The following CDK19 variants were observed in gnomAD, a reference collection of about 807,000 sequenced individuals.
The protein encoded by CDK19 is cyclin-dependent kinase 19.
CDK19 carries 20 observed loss-of-function variants against 68.3 expected under a neutral mutation model. The ratio of observed to expected loss-of-function variants is 0.29; its 90% CI spans 0.21 to 0.43. The LOEUF is 0.43. Ranked by LOEUF, CDK19 falls within the 20% of genes least tolerant of loss-of-function variation. The probability of loss-of-function intolerance (pLI) is 1.00; values close to 1 mark genes in which losing one functional copy is unlikely to be tolerated. For missense variants in CDK19, 339 were observed against 623.5 expected (o/e 0.54, Z 4.86); for synonymous variants, 221 against 222.8 (o/e 0.99, Z 0.07).
At chr6:110,651,898 T>C (rs886740210) in intron 4 of CDK19, among the ~76,000 whole-genome samples, 1 of 151,882 alleles carries the variant, frequency 6.6e-6, no homozygotes, top group Non-Finnish European at 1.5e-5. Flanking sequence ...AAGAAAGAAA[T>C]AATAAATAAA....
At chr6:110,667,846 A>G (rs548272900) in intron 3 of CDK19, among the ~76,000 whole-genome samples, 1 of 152,310 alleles carries the variant, frequency 6.6e-6, no homozygotes, top group Non-Finnish European at 1.5e-5. Context: ...AAGGACTGAT[A>G]TTGAAACAGC....
chr6:110,808,615 C>T (rs1031506464), intron 1 of CDK19, among the ~76,000 whole-genome samples: 24 of 152,168 alleles, frequency 1.6e-4, no homozygotes, highest in Non-Finnish European at 2.9e-4. Flanking sequence ...TTCCCTTAGG[C>T]CTCAAAAAGT....
At chr6:110,781,403 A>G (rs1780808545) in intron 1 of CDK19, among the ~76,000 whole-genome samples, 2 of 152,198 alleles carry the variant, frequency 1.3e-5, no homozygotes. Flanking sequence ...ATCTGCCCCC[A>G]TGACCCAAAC....
chr6:110,636,226 T>A lies in CDK19; in HGVS notation c.514+2423A>T, dbSNP rs1352244228. On this transcript the variant is annotated intron_variant, in intron 5 of 12. Coordinates refer to ENST00000368911, the MANE Select transcript of CDK19 (RefSeq NM_015076.5). ...TTGGTTTGGGACAATGGAGGATAAGTTACCACAAGATATCCAAATAGAAAT... is the reference window on the plus strand; with the variant it reads ...TTGGTTTGGGACAATGGAGGATAAGATACCACAAGATATCCAAATAGAAAT... Among the ~76,000 whole-genome samples the A allele has an allele frequency of 3.3e-5, 5 of 152,198 alleles. 1 individual carries two copies. The highest frequency in any genetic ancestry group is 1.2e-4 in the African/African-American group (5 of 41,454).
chr6:110,801,526 T>G (rs533477264), intron 1 of CDK19, among the ~76,000 whole-genome samples: 7 of 152,238 alleles, frequency 4.6e-5, no homozygotes, highest in Non-Finnish European at 7.4e-5. Context: ...TGTGTTTTTT[T>G]TTTGAGACAG....
At chr6:110,624,951 T>G (rs937937347) in intron 8 of CDK19, among the ~76,000 whole-genome samples, 4 of 152,202 alleles carry the variant, frequency 2.6e-5, no homozygotes, top group Non-Finnish European at 5.9e-5. Flanking sequence ...ATTATGCCTA[T>G]CCTATAGATT....
chr6:110,712,075 C>T (rs2114694878), intron 2 of CDK19, among the ~76,000 whole-genome samples: 1 of 152,296 alleles, frequency 6.6e-6, no homozygotes, highest in Non-Finnish European at 1.5e-5. Flanking sequence ...TTACAATGCT[C>T]TAGGACAGTG....
At chr6:110,639,364 G>C (rs868448728) in intron 4 of CDK19, among the ~76,000 whole-genome samples, 5 of 152,220 alleles carry the variant, frequency 3.3e-5, no homozygotes, top group Non-Finnish European at 7.3e-5. Flanking sequence ...GCTTTGGAAG[G>C]GGGAGAGAGT....
chr6:110,623,534 C>T, intron 8 of CDK19, 172 bp from the exon 9 acceptor site: 1 of 412,402 alleles, frequency 2.4e-6, no homozygotes, highest in Non-Finnish European at 3.3e-6. Context: ...GAAATAGGAA[C>T]TGTCACACAC....
chr6:110,647,848 A>G (rs1780709024), intron 4 of CDK19, among the ~76,000 whole-genome samples: 1 of 152,220 alleles, frequency 6.6e-6, no homozygotes. Context: ...CTTCAGGCCA[A>G]CCTTACTCAT....
chr6:110,639,637 T>C (rs1780004195), intron 4 of CDK19, among the ~76,000 whole-genome samples: 1 of 152,240 alleles, frequency 6.6e-6, no homozygotes, highest in Non-Finnish European at 1.5e-5. Context: ...TGAGGTTTTG[T>C]GTTCAAGATT....
intron 4 of CDK19, among the ~76,000 whole-genome samples, chr6:110,651,231 TACTA>T (rs1241688327): frequency 1.1e-5 from 1 of 89,974 alleles, no homozygotes; most frequent in African/African-American, 4.9e-5. Flanking sequence ...GAAATAGATC[TACTA>T]TCTATCTATC....
chr6:110,713,646 A>G (rs1197422582), intron 2 of CDK19, among the ~76,000 whole-genome samples: 1 of 152,080 alleles, frequency 6.6e-6, no homozygotes, highest in African/African-American at 2.4e-5. Context: ...AACGTTTTGT[A>G]ATTTTTCTAA....
intron 4 of CDK19, among the ~76,000 whole-genome samples, chr6:110,653,945 A>T (rs1283165719): frequency 6.6e-6 from 1 of 152,198 alleles, no homozygotes; most frequent in Non-Finnish European, 1.5e-5. Flanking sequence ...CCACCCCAAG[A>T]CATTTGGGAC....
chr6:110,651,232 A>ATCTAT (rs142094350), intron 4 of CDK19, among the ~76,000 whole-genome samples: 1 of 149,820 alleles, frequency 6.7e-6, no homozygotes, highest in African/African-American at 2.5e-5. Flanking sequence ...AAATAGATCT[A>ATCTAT]CTATCTATCT....
At chr6:110,650,333 T>A (rs1780884123) in intron 4 of CDK19, among the ~76,000 whole-genome samples, 1 of 152,206 alleles carries the variant, frequency 6.6e-6, no homozygotes, top group Non-Finnish European at 1.5e-5. Flanking sequence ...ATAAGCATGC[T>A]ACTGGTAATC....
intron 1 of CDK19, among the ~76,000 whole-genome samples, chr6:110,766,960 C>A (rs1224127441): frequency 1.3e-5 from 2 of 151,548 alleles, no homozygotes; most frequent in African/African-American, 2.4e-5. Context: ...ATGGTGAAAC[C>A]TTGTCTCTAC....
chr6:110,626,910 T>C, intron 7 of CDK19, 65 bp from the exon 8 acceptor site: 2 of 1,375,404 alleles, frequency 1.5e-6, no homozygotes, highest in South Asian at 1.3e-5. Flanking sequence ...CTAATTATGT[T>C]AGTTTATAAA....
intron 1 of CDK19, among the ~76,000 whole-genome samples, chr6:110,765,235 T>C (rs1779493470): frequency 6.6e-6 from 1 of 151,884 alleles, no homozygotes; most frequent in Non-Finnish European, 1.5e-5. Context: ...CTAGGCAACA[T>C]AGCAGGACCA....
Sources: gnomAD v4.1 joint callset for allele counts (sites outside exome capture counted in the v4.1 genomes callset) on GRCh38, gnomAD v4.1.1 for gene constraint, MANE v1.5 for transcripts, NCBI Gene and HGNC (gene_info 2026-07-23, HGNC 2026-07-21) for gene names.